Variants in KLHL41 observed in about 807,000 individuals in gnomAD.
KLHL41 encodes kelch like family member 41.
In KLHL41, 31 loss-of-function variants were observed where a neutral mutation model predicts 49.2. The ratio of observed to expected loss-of-function variants is 0.63; its 90% CI spans 0.47 to 0.85. The LOEUF (loss-of-function observed/expected upper bound fraction) is 0.85. Among genes scored for constraint, KLHL41 ranks in the 40% least tolerant of loss-of-function variants. KLHL41 has a pLI of 0.00. For missense variants in KLHL41, 663 were observed against 726.7 expected (o/e 0.91, Z 1.01); for synonymous variants, 218 against 258.5 (o/e 0.84, Z 1.50).
chr2:169,509,828 C>T lies in KLHL41; in HGVS notation c.50C>T (p.Thr17Ile), dbSNP rs752585175. The T allele has an allele frequency of 6.2e-7, 1 of 1,613,726 alleles. No individual in the cohort carries two copies. The highest frequency in any genetic ancestry group is 1.1e-5 in the South Asian group (1 of 91,048). The stretch of plus-strand genomic sequence containing the variant: ...GAGGAACTGCGGCTTTACCAATCCA[C>T]CCTTCTTCAGGATGGTCTAAAAGAT... ...LAEELRLYQS[T>I]LLQDGLKDLL... The change falls in exon 1 of 6, where the codon ACC (threonine) becomes ATC (isoleucine). Residue 17 changes from threonine (T) to isoleucine (I), a missense_variant. By Grantham distance (89) the Thr-to-Ile change is moderately conservative. Around this residue, in one of 3 missense-constraint regions of KLHL41, gnomAD observed 129 missense variants for 122.1 expected, o/e 1.06. Transcript: ENST00000284669.
In KLHL41 at chr2:169,510,308, A is replaced by G; in HGVS notation, c.530A>G (p.Gln177Arg). ...GAGGACTTTATGCAACTGTCTCCAC[A>G]GGAACTGATCTCAGTCATTTCAAAT... ...KEEDFMQLSP[Q>R]ELISVISNDS... Residue 177 changes from glutamine (Q) to arginine (R), a missense_variant, in exon 1 of 6, where the codon CAG becomes CGG. This residue lies in a region of KLHL41 where 528 missense variants were observed against 581.0 expected (regional missense o/e 0.91). Coordinates refer to ENST00000284669, the MANE Select transcript of KLHL41 (RefSeq NM_006063.3). This position sits in a 1 kb window ranked among gnomAD's most constrained non-coding sequence, Gnocchi z 4.2. 2 of 1,614,174 alleles carry G rather than the reference A, an allele frequency of 1.2e-6. No homozygotes were observed. The highest frequency in any genetic ancestry group is 1.7e-6 in the Non-Finnish European group (2 of 1,180,016).
rs1559129272 is a variant in KLHL41, at chr2:169,510,123, C to T, written c.345C>T (p.Ile115=). The T allele has an allele frequency of 6.2e-7, 1 of 1,614,134 alleles. No homozygotes were observed. The highest frequency in any genetic ancestry group is 8.5e-7 in the Non-Finnish European group (1 of 1,180,028). ...DIFALASRFQ[I]PSVFTVCVSY... The stretch of plus-strand genomic sequence containing the variant: ...TTGCATTGGCCAGCCGCTTTCAGAT[C>T]CCCTCAGTGTTTACTGTCTGCGTTT... Residue 115 remains isoleucine (I), a synonymous_variant, in exon 1 of 6, where the codon ATC becomes ATT. Coordinates refer to ENST00000284669, the MANE Select transcript of KLHL41 (RefSeq NM_006063.3). The surrounding 1 kb of genome is among the most constrained non-coding windows in gnomAD (Gnocchi z 4.2).
chr2:169,513,494 T>C (rs1348776317), intron 1 of KLHL41, among the ~76,000 whole-genome samples: 1 of 152,200 alleles, frequency 6.6e-6, no homozygotes, highest in Non-Finnish European at 1.5e-5. Flanking sequence ...TTGAAATTAG[T>C]GAATGCAAAG....
At position 169,510,317 on chromosome 2, in the gene KLHL41, T is replaced by A; in HGVS notation, c.539T>A (p.Ile180Asn). The change falls in exon 1 of 6, where the codon ATC becomes AAC. Residue 180 changes from isoleucine to asparagine, a missense_variant. Coordinates refer to ENST00000284669, the MANE Select transcript of KLHL41 (RefSeq NM_006063.3). This position sits in a 1 kb window ranked among gnomAD's most constrained non-coding sequence, Gnocchi z 4.2. ...DFMQLSPQEL[I>N]SVISNDSLNV... ...ATGCAACTGTCTCCACAGGAACTGA[T>A]CTCAGTCATTTCAAATGACAGCCTA... is the stretch of plus-strand genomic sequence containing the variant. 1.2e-6 allele frequency: 2 copies of A among 1,614,106 alleles called. No individual in the cohort carries two copies. The highest frequency in any genetic ancestry group is 1.7e-6 in the Non-Finnish European group (2 of 1,179,984).
In KLHL41 at chr2:169,525,793, T is replaced by C; in HGVS notation, c.*97T>C. ...TTAAAAGCTTGTACAGACACTCATG[T>C]AGAAATTATTCAAGAAGTTATTGTC... On this transcript the variant is annotated 3_prime_UTR_variant, in exon 6 of 6. Transcript: ENST00000284669. 1 of 632,462 alleles carries C rather than the reference T, an allele frequency of 1.6e-6. No individual in the cohort carries two copies. The highest frequency in any genetic ancestry group is 2.7e-6 in the Non-Finnish European group (1 of 365,638). The allele number at this position is 632,462 out of a possible 1,614,324, so 39.2% of individuals were successfully genotyped here.
chr2:169,516,969 G>C (rs956930001), intron 3 of KLHL41, among the ~76,000 whole-genome samples: 1 of 151,932 alleles, frequency 6.6e-6, no homozygotes, highest in African/African-American at 2.4e-5. Context: ...CTGATATCGC[G>C]CCACTGCACT....
chr2:169,510,217 T>G lies in KLHL41; in HGVS notation c.439T>G (p.Cys147Gly). 1.2e-6 allele frequency: 2 copies of G among 1,614,092 alleles called. No individual in the cohort carries two copies. The highest frequency in any genetic ancestry group is 1.7e-6 in the Non-Finnish European group (2 of 1,180,036). ...AILRLGLLLD[C>G]PRLAISAREF... is the part of the protein sequence containing the mutation. ...CCTAAGATTAGGACTTCTTCTTGAC[T>G]GCCCGAGACTCGCCATTTCTGCCCG... Residue 147 changes from cysteine (C) to glycine (G), a missense_variant, in exon 1 of 6, where the codon TGC becomes GGC. Coordinates refer to ENST00000284669, the MANE Select transcript of KLHL41 (RefSeq NM_006063.3). This position sits in a 1 kb window ranked among gnomAD's most constrained non-coding sequence, Gnocchi z 4.2.
intron 3 of KLHL41, among the ~76,000 whole-genome samples, chr2:169,515,260 C>T (rs527432113): frequency 5.0e-4 from 76 of 151,946 alleles, no homozygotes; most frequent in African/African-American, 1.7e-3. Context: ...CTTGAACTCC[C>T]GACCTCAGGT....
At chr2:169,524,388 CCATT>C (rs1446696794) in intron 5 of KLHL41, among the ~76,000 whole-genome samples, 2 of 150,870 alleles carry the variant, frequency 1.3e-5, no homozygotes, top group Non-Finnish European at 2.9e-5. Flanking sequence ...TTTTAAATCT[CCATT>C]CATCACAGAA....
At chr2:169,518,853 T>C (rs921668468) in intron 4 of KLHL41, among the ~76,000 whole-genome samples, 4 of 152,106 alleles carry the variant, frequency 2.6e-5, no homozygotes, top group African/African-American at 9.7e-5. Context: ...TTTTTGTTTT[T>C]GTTTTTGGTA....
Position 169,520,935 on chromosome 2 carries a change from C to A in KLHL41, c.1637C>A (p.Ala546Glu). The A allele has an allele frequency of 6.2e-7, 1 of 1,613,692 alleles. No individual in the cohort carries two copies. Among genetic ancestry groups the A allele is most frequent in the Middle Eastern group, 1.6e-4 (1 of 6,062 alleles). ...GTCAGCCTGGCTGGATCTCTGTATG[C>A]AATTGGTGGTTTTGCTATGATTCAA... The part of the protein sequence containing the change: ...SLVSLAGSLY[A>E]IGGFAMIQLE... Residue 546 changes from alanine to glutamate, a missense_variant, in exon 5 of 6, where the codon GCA (alanine) becomes GAA (glutamate). Around this residue, in one of 3 missense-constraint regions of KLHL41, gnomAD observed 528 missense variants for 581.0 expected, o/e 0.91. Transcript: ENST00000284669.
intron 5 of KLHL41, among the ~76,000 whole-genome samples, chr2:169,521,893 T>C (rs114950076): frequency 9.3e-4 from 141 of 152,190 alleles, no homozygotes; most frequent in African/African-American, 3.2e-3. Context: ...TGTTACTCAA[T>C]TGAACATTTT....
chr2:169,510,913 A>G lies in KLHL41; in HGVS notation c.1110+25A>G. On this transcript the variant is annotated intron_variant, in intron 1 of 5. Transcript: ENST00000284669. This position sits in a 1 kb window ranked among gnomAD's most constrained non-coding sequence, Gnocchi z 4.2. ...GGTAAGAAGGACTTTTTGTATATGT[A>G]GTTGCTTAAAGGGAAGGCTGTTACT... is the stretch of plus-strand genomic sequence containing the variant. 2 of 1,588,016 alleles carry G rather than the reference A, an allele frequency of 1.3e-6. No individual in the cohort carries two copies. Among genetic ancestry groups the G allele is most frequent in the South Asian group, 1.1e-5 (1 of 87,178 alleles).
At chr2:169,516,969 G>A (rs956930001) in intron 3 of KLHL41, among the ~76,000 whole-genome samples, 12 of 152,052 alleles carry the variant, frequency 7.9e-5, no homozygotes, top group Middle Eastern at 3.4e-3. Flanking sequence ...CTGATATCGC[G>A]CCACTGCACT....
At chr2:169,523,973 A>G (rs1317587910) in intron 5 of KLHL41, among the ~76,000 whole-genome samples, 15 of 146,188 alleles carry the variant, frequency 1.0e-4, no homozygotes, top group Non-Finnish European at 7.4e-5. Context: ...GAAAACTCTC[A>G]GTATACAACA....
intron 3 of KLHL41, among the ~76,000 whole-genome samples, chr2:169,517,423 C>T (rs1306753427): frequency 1.3e-5 from 2 of 152,148 alleles, no homozygotes; most frequent in African/African-American, 2.4e-5. Context: ...GCCAACATGG[C>T]GAAACCCTGT....
In KLHL41 at chr2:169,510,451, C is replaced by T. The variant is rs752597938; in HGVS notation, c.673C>T (p.Arg225Cys). 1.9e-6 allele frequency: 3 copies of T among 1,613,864 alleles called. No homozygotes were observed. The highest frequency in any genetic ancestry group is 2.5e-6 in the Non-Finnish European group (3 of 1,180,010). The change falls in exon 1 of 6, where the codon CGC (arginine) becomes TGC (cysteine). Residue 225 changes from arginine to cysteine, a missense_variant. Arg to Cys is a radical substitution (Grantham distance 180). Around this residue, in one of 3 missense-constraint regions of KLHL41, gnomAD observed 528 missense variants for 581.0 expected, o/e 0.91. Coordinates refer to ENST00000284669, the MANE Select transcript of KLHL41 (RefSeq NM_006063.3). The surrounding 1 kb of genome is among the most constrained non-coding windows in gnomAD (Gnocchi z 4.2). ...LSEVFDCIRF[R>C]LMTEKYFKDH... ...TGAAGTGTTTGATTGTATCCGTTTT[C>T]GCCTTATGACAGAAAAATATTTTAA...
At chr2:169,514,022 A>G (rs1180038958) in intron 1 of KLHL41, among the ~76,000 whole-genome samples, 1 of 152,238 alleles carries the variant, frequency 6.6e-6, no homozygotes, top group Non-Finnish European at 1.5e-5. Context: ...CTGTATCAGG[A>G]ATAATAAAGC....
At chr2:169,515,696 A>T (rs1480748461) in intron 3 of KLHL41, among the ~76,000 whole-genome samples, 2 of 152,226 alleles carry the variant, frequency 1.3e-5, no homozygotes, top group Non-Finnish European at 2.9e-5. Flanking sequence ...TGTACTTTAC[A>T]TTCATAAGAG....
Sources: allele counts gnomAD v4.1 joint callset (sites outside exome capture counted in the v4.1 genomes callset), GRCh38; gene constraint gnomAD v4.1.1; regional missense constraint gnomAD v4.1.1; non-coding constraint Gnocchi (gnomAD v3.1); transcripts MANE v1.5; gene names NCBI Gene and HGNC (gene_info 2026-07-23, HGNC 2026-07-21).